PTBP3: variants seen among roughly 807,000 people sequenced by gnomAD.
PTBP3 encodes the protein polypyrimidine tract-binding protein 3.
A neutral mutation model predicts 58.7 loss-of-function variants in PTBP3; 20 were observed. The observed-to-expected ratio is 0.34, with a 90% CI of 0.24 to 0.50. PTBP3 has a LOEUF of 0.50. PTBP3 is among the 20% of genes least tolerant of loss of function. PTBP3 has a pLI of 0.98. For missense variants in PTBP3, 509 were observed against 637.2 expected (o/e 0.80, Z 2.17); for synonymous variants, 185 against 219.8 (o/e 0.84, Z 1.40).
intron 1 of PTBP3, among the ~76,000 whole-genome samples, chr9:112,313,145 C>A (rs1009299839): frequency 6.6e-6 from 1 of 152,106 alleles, no homozygotes; most frequent in African/African-American, 2.4e-5. Context: ...GAAAGTCTTA[C>A]CCATAGTAAT....
intron 1 of PTBP3, among the ~76,000 whole-genome samples, chr9:112,298,281 A>C (rs925925042): frequency 6.6e-6 from 1 of 152,188 alleles, no homozygotes; most frequent in Non-Finnish European, 1.5e-5. Context: ...CCTCCCTAAG[A>C]ATCCTGACTT....
chr9:112,359,387 A>G, the PTBP3 span, among the ~76,000 whole-genome samples: 2 of 152,102 alleles, frequency 1.3e-5, no homozygotes, highest in Non-Finnish European at 2.9e-5. Flanking sequence ...CAGAGGTTGC[A>G]GTGAGCTGAG....
intron 1 of PTBP3, among the ~76,000 whole-genome samples, chr9:112,314,516 C>A (rs1829623071): frequency 6.6e-6 from 1 of 152,050 alleles, no homozygotes; most frequent in Admixed American, 6.6e-5. Flanking sequence ...CACAACAGAA[C>A]AAGGACTCAT....
At chr9:112,265,371 C>T (rs967810208) in intron 4 of PTBP3, among the ~76,000 whole-genome samples, 35 of 144,918 alleles carry the variant, frequency 2.4e-4, no homozygotes, top group African/African-American at 9.0e-4. Flanking sequence ...GGCGTGGTGG[C>T]TAGCACCTAT....
chr9:112,330,621 C>A, intron 1 of PTBP3: 1 of 575,268 alleles, frequency 1.7e-6, no homozygotes, highest in Non-Finnish European at 3.0e-6. Context: ...AATATTAATA[C>A]AAAGAAAAAT....
At chr9:112,354,897 A>G in the PTBP3 span, among the ~76,000 whole-genome samples, 1 of 152,220 alleles carries the variant, frequency 6.6e-6, no homozygotes, top group African/African-American at 2.4e-5. Context: ...AGTTACATTG[A>G]TTATAGGAGT....
At chr9:112,343,805 A>G in the PTBP3 span, among the ~76,000 whole-genome samples, 1 of 148,168 alleles carries the variant, frequency 6.7e-6, no homozygotes, top group African/African-American at 2.5e-5. Context: ...AAAAAAAAAA[A>G]GAAAAAATCT....
At chr9:112,280,939 G>A (rs960393535) in intron 2 of PTBP3, 1 of 151,946 alleles carries the variant, frequency 6.6e-6, no homozygotes, top group Non-Finnish European at 1.5e-5. Flanking sequence ...CAGTGGGATG[G>A]GCAGCTTCAT....
intron 5 of PTBP3, among the ~76,000 whole-genome samples, chr9:112,259,560 C>T (rs1836507495): frequency 6.6e-6 from 1 of 152,162 alleles, no homozygotes; most frequent in South Asian, 2.1e-4. Flanking sequence ...TATATCTTCA[C>T]ATCCTATAAG....
intron 2 of PTBP3, among the ~76,000 whole-genome samples, chr9:112,296,272 A>C (rs1388774131): frequency 5.3e-5 from 8 of 152,146 alleles, no homozygotes; most frequent in Non-Finnish European, 1.0e-4. Context: ...TAATAACAAC[A>C]CCTAAATAGA....
At chr9:112,268,013 C>G (rs529214772) in intron 4 of PTBP3, 36 bp downstream of exon 4, 1 of 1,569,320 alleles carries the variant, frequency 6.4e-7, no homozygotes, top group East Asian at 2.2e-5. Context: ...ACCATGTGTT[C>G]CCATACCTAT....
At chr9:112,258,900 T>A (rs1199861126) in intron 5 of PTBP3, among the ~76,000 whole-genome samples, 2 of 151,856 alleles carry the variant, frequency 1.3e-5, no homozygotes, top group African/African-American at 4.9e-5. Context: ...CAGGCCACCA[T>A]CATCTCTCAC....
chr9:112,280,375 T>C (rs926381713), intron 2 of PTBP3, among the ~76,000 whole-genome samples: 1 of 152,092 alleles, frequency 6.6e-6, no homozygotes, highest in African/African-American at 2.4e-5. Context: ...TTATTATTTT[T>C]TTTTTACAGC....
At chr9:112,325,103 T>G (rs143203253) in intron 1 of PTBP3, among the ~76,000 whole-genome samples, 265 of 152,302 alleles carry the variant, frequency 1.7e-3, no homozygotes, top group African/African-American at 5.9e-3. Context: ...TCCATCAACA[T>G]GAGAATCAAT....
chr9:112,289,486 A>C (rs1201153127), intron 2 of PTBP3, among the ~76,000 whole-genome samples: 1 of 152,208 alleles, frequency 6.6e-6, no homozygotes, highest in African/African-American at 2.4e-5. Context: ...TTTGGTCAAC[A>C]GAAGTACCAG....
At chr9:112,364,502 A>C in the PTBP3 span, among the ~76,000 whole-genome samples, 3 of 152,140 alleles carry the variant, frequency 2.0e-5, no homozygotes, top group African/African-American at 4.8e-5. Context: ...TACAAAAACT[A>C]TAAGCCTGTA....
intron 5 of PTBP3, among the ~76,000 whole-genome samples, chr9:112,260,298 TGA>T (rs1302412668): frequency 6.6e-6 from 1 of 152,144 alleles, no homozygotes; most frequent in Non-Finnish European, 1.5e-5. Context: ...CAATAAAAAA[TGA>T]GAGAGAACAT....
intron 5 of PTBP3, among the ~76,000 whole-genome samples, chr9:112,254,069 T>G (rs149441149): frequency 6.6e-6 from 1 of 152,170 alleles, no homozygotes; most frequent in South Asian, 2.1e-4. Flanking sequence ...TGGCTCACTG[T>G]AGGCTCCACC....
rs761076127 is a variant in PTBP3 at position 112,333,035 on chromosome 9, A to G, written c.-52+435T>C. The G allele has an allele frequency of 8.1e-4, 1,033 of 1,270,128 alleles. 1 individual carries two copies. Among genetic ancestry groups the G allele is most frequent in the Non-Finnish European group, 9.7e-4 (976 of 1,008,716 alleles). 78.7% of individuals were successfully genotyped at this position (1,270,128 alleles called of 1,614,324 possible). The stretch of plus-strand genomic sequence containing the variant: ...GCCGCTCGCCCCACCTCGCCGGTAA[A>G]CAGCAACTCCCCCGGCAGGAGGACG... On this transcript the variant is annotated intron_variant, in intron 1 of 13. Transcript: ENST00000374257.
Sources: allele counts gnomAD v4.1 joint callset (sites outside exome capture counted in the v4.1 genomes callset), GRCh38; gene constraint gnomAD v4.1.1; transcripts MANE v1.5; gene names NCBI Gene and HGNC (gene_info 2026-07-23, HGNC 2026-07-21).